The following KIAA0825 variants were observed in gnomAD, a reference collection of about 807,000 sequenced individuals.
KIAA0825 encodes the protein KIAA0825, also known as uncharacterized protein KIAA0825.
In KIAA0825, 119 loss-of-function variants were observed where a neutral mutation model predicts 147.6. That is an observed-to-expected ratio of 0.81 (90% CI 0.69 to 0.94). The LOEUF (loss-of-function observed/expected upper bound fraction) is 0.94, where lower values mean the gene tolerates loss of function less well. KIAA0825 is among the 40% of genes least tolerant of loss of function. KIAA0825 has a pLI of 0.00. For missense variants in KIAA0825, 1,381 were observed against 1,472.7 expected (o/e 0.94, Z 1.02); for synonymous variants, 470 against 518.1 (o/e 0.91, Z 1.26).
At chr5:94,229,135 A>C (rs1583916950) in intron 20 of KIAA0825, among the ~76,000 whole-genome samples, 1 of 152,184 alleles carries the variant, frequency 6.6e-6, no homozygotes, top group African/African-American at 2.4e-5. Flanking sequence ...CTGCTTTCTG[A>C]ATCTAACTCT....
At chr5:94,285,186 C>T (rs1453158755) in intron 20 of KIAA0825, among the ~76,000 whole-genome samples, 1 of 151,932 alleles carries the variant, frequency 6.6e-6, no homozygotes, top group Non-Finnish European at 1.5e-5. Flanking sequence ...CAAAGAAAAG[C>T]AAATAATTCT....
chr5:94,570,807 C>G (rs1468559797), intron 2 of KIAA0825: 4 of 152,342 alleles, frequency 2.6e-5, no homozygotes, highest in Non-Finnish European at 5.9e-5. Flanking sequence ...CTAATTTAAA[C>G]TACTCTCTGT....
Position 94,524,030 on chromosome 5 carries a change from G to A in KIAA0825, c.200C>T (p.Thr67Ile), listed in dbSNP as rs1768771709. Residue 67 changes from threonine (T) to isoleucine (I), a missense_variant, in exon 4 of 21, where the codon ACA becomes ATA. Thr to Ile is a moderately conservative substitution (Grantham distance 89). Coordinates refer to ENST00000682413, the MANE Select transcript of KIAA0825 (RefSeq NM_001145678.3). ...NKQCPGVQLQ[T>I]TTDCFEWLTN... ...TAGCCATTCAAAGCAGTCAGTTGTTGTTTGCAGCTGCACACCTGGACATTG... is the reference window on the plus strand; with the variant it reads ...TAGCCATTCAAAGCAGTCAGTTGTTATTTGCAGCTGCACACCTGGACATTG... The A allele has an allele frequency of 6.2e-7, 1 of 1,609,566 alleles. No individual in the cohort carries two copies. The highest frequency in any genetic ancestry group is 8.5e-7 in the Non-Finnish European group (1 of 1,177,030).
chr5:94,190,683 C>T (rs895231236), intron 20 of KIAA0825, among the ~76,000 whole-genome samples: 1 of 151,870 alleles, frequency 6.6e-6, no homozygotes, highest in Non-Finnish European at 1.5e-5. Context: ...TTTTGTCAAA[C>T]ATTTTTCTAC....
chr5:94,286,463 A>T (rs559853670), intron 20 of KIAA0825, among the ~76,000 whole-genome samples: 1 of 152,200 alleles, frequency 6.6e-6, no homozygotes, highest in South Asian at 2.1e-4. Context: ...GACAACAGGG[A>T]CCTGTCCTAC....
intron 12 of KIAA0825, among the ~76,000 whole-genome samples, chr5:94,461,786 C>T (rs1239749023): frequency 6.6e-6 from 1 of 151,678 alleles, no homozygotes; most frequent in East Asian, 1.9e-4. Context: ...ATAAAAGTGA[C>T]AATTTTGGAG....
intron 15 of KIAA0825, among the ~76,000 whole-genome samples, chr5:94,406,375 G>C (rs1162438946): frequency 6.6e-6 from 1 of 152,160 alleles, no homozygotes; most frequent in African/African-American, 2.4e-5. Flanking sequence ...ATTGTCCATA[G>C]TCTATGTAGT....
intron 20 of KIAA0825, among the ~76,000 whole-genome samples, chr5:94,354,191 G>A (rs1784003999): frequency 6.6e-6 from 1 of 152,102 alleles, no homozygotes; most frequent in Admixed American, 6.5e-5. Context: ...ATTCCCAGGA[G>A]AACATTGGCC....
chr5:94,317,959 A>G (rs1779800962), intron 20 of KIAA0825, among the ~76,000 whole-genome samples: 1 of 151,822 alleles, frequency 6.6e-6, no homozygotes, highest in African/African-American at 2.4e-5. Flanking sequence ...TTACTTTTTT[A>G]TAAAAATGGT....
chr5:94,597,630 T>C (rs112882669), intron 1 of KIAA0825, among the ~76,000 whole-genome samples: 11 of 152,168 alleles, frequency 7.2e-5, no homozygotes, highest in African/African-American at 2.4e-4. Context: ...ATTCTGTATA[T>C]AGTCATGTGT....
At chr5:94,305,509 G>C (rs1048375933) in intron 20 of KIAA0825, among the ~76,000 whole-genome samples, 3 of 151,914 alleles carry the variant, frequency 2.0e-5, no homozygotes, top group African/African-American at 4.8e-5. Context: ...ATGAGCTAAA[G>C]GCAACTGTGT....
chr5:94,521,896 T>C (rs878861685), intron 4 of KIAA0825, among the ~76,000 whole-genome samples: 1 of 151,706 alleles, frequency 6.6e-6, no homozygotes, highest in African/African-American at 2.4e-5. Flanking sequence ...TACAATTTCT[T>C]ATTGATGAAG....
chr5:94,520,321 G>T lies in KIAA0825; in HGVS notation c.897C>A (p.Phe299Leu). 1 of 1,613,490 alleles carries T rather than the reference G, an allele frequency of 6.2e-7. No individual in the cohort carries two copies. Among genetic ancestry groups the T allele is most frequent in the Non-Finnish European group, 8.5e-7 (1 of 1,179,544 alleles). ...KFLENFCELQ[F>L]RENAVRVVKT... is the part of the protein sequence containing the mutation. ...TAACCACACGAACAGCATTTTCTCT[G>T]AACTGCAGCTCACAAAAATTTTCAA... The change falls in exon 5 of 21, where the codon TTC (phenylalanine) becomes TTA (leucine). Residue 299 changes from phenylalanine to leucine, a missense_variant. Coordinates refer to ENST00000682413, the MANE Select transcript of KIAA0825 (RefSeq NM_001145678.3).
chr5:94,198,265 T>G (rs930079609), intron 20 of KIAA0825, among the ~76,000 whole-genome samples: 11 of 152,178 alleles, frequency 7.2e-5, no homozygotes, highest in Non-Finnish European at 1.5e-4. Context: ...AGCTTGGATG[T>G]TATCAGTGTT....
At chr5:94,563,740 A>T (rs1778024700) in intron 2 of KIAA0825, among the ~76,000 whole-genome samples, 1 of 152,018 alleles carries the variant, frequency 6.6e-6, no homozygotes, top group South Asian at 2.1e-4. Context: ...GATGGGGTGC[A>T]ATGGTGCAAT....
At chr5:94,423,835 C>T (rs765546268) in intron 14 of KIAA0825, among the ~76,000 whole-genome samples, 2 of 152,008 alleles carry the variant, frequency 1.3e-5, no homozygotes, top group East Asian at 1.9e-4. Context: ...ATTAAAAGGA[C>T]GTGAAGTATC....
intron 20 of KIAA0825, among the ~76,000 whole-genome samples, chr5:94,162,107 C>T (rs1166783871): frequency 1.3e-5 from 2 of 152,202 alleles, no homozygotes; most frequent in East Asian, 3.9e-4. Context: ...ATCTCTGCTT[C>T]GTCTTATTTC....
intron 5 of KIAA0825, among the ~76,000 whole-genome samples, chr5:94,516,746 C>T (rs1413459631): frequency 1.4e-5 from 2 of 143,496 alleles, no homozygotes; most frequent in Admixed American, 7.2e-5. Flanking sequence ...GCGGAGATCG[C>T]GCCACAGCAC....
At chr5:94,214,341 TAAAACCCTCAAA>T (rs553138439) in intron 20 of KIAA0825, among the ~76,000 whole-genome samples, 120 of 152,204 alleles carry the variant, frequency 7.9e-4, no homozygotes, top group African/African-American at 2.9e-3. Context: ...GAAATAAAAA[TAAAACCCTCAAA>T]AAATAACCAA....
Sources: allele counts gnomAD v4.1 joint callset (sites outside exome capture counted in the v4.1 genomes callset), GRCh38; gene constraint gnomAD v4.1.1; transcripts MANE v1.5; gene names NCBI Gene and HGNC (gene_info 2026-07-23, HGNC 2026-07-21).